The following JPH1 variants were observed in gnomAD, a reference collection of about 807,000 sequenced individuals.
JPH1 encodes the protein junctophilin-1.
A neutral mutation model predicts 53.6 loss-of-function variants in JPH1; 12 were observed. The ratio of observed to expected loss-of-function variants is 0.22; its 90% CI spans 0.14 to 0.36. The LOEUF (loss-of-function observed/expected upper bound fraction) is 0.36. Among genes scored for constraint, JPH1 ranks in the 10% least tolerant of loss-of-function variants. The probability of loss-of-function intolerance (pLI) is 1.00; values close to 1 mark genes in which losing one functional copy is unlikely to be tolerated. For synonymous variants in JPH1, 375 were observed against 363.8 expected (o/e 1.03, Z -0.35); for missense variants, 808 against 905.5 (o/e 0.89, Z 1.38).
intron 2 of JPH1, among the ~76,000 whole-genome samples, chr8:74,286,152 C>T (rs375228708): frequency 2.0e-5 from 3 of 152,224 alleles, no homozygotes; most frequent in Admixed American, 6.5e-5. Flanking sequence ...ATATCCTACT[C>T]GGTCACCATA....
At chr8:74,275,598 G>A (rs1033405951) in intron 2 of JPH1, among the ~76,000 whole-genome samples, 2 of 152,042 alleles carry the variant, frequency 1.3e-5, no homozygotes, top group East Asian at 1.9e-4. Context: ...GCATGACAAC[G>A]AAAAATGTGA....
chr8:74,319,306 G>A (rs1264142452), intron 1 of JPH1, among the ~76,000 whole-genome samples: 2 of 152,086 alleles, frequency 1.3e-5, no homozygotes, highest in African/African-American at 4.8e-5. Flanking sequence ...ATAAAATAAT[G>A]CACACATTTA....
rs185507527 is a variant in JPH1 at position 74,236,910 on chromosome 8, C to T, written c.*141G>A. The T allele has an allele frequency of 1.8e-3, 410 of 225,228 alleles. 6 individuals carry two copies. The highest frequency in any genetic ancestry group is 2.9e-3 in the Middle Eastern group (2 of 694). The allele number at this position is 225,228 out of a possible 1,614,324, so 14.0% of individuals were successfully genotyped here. On this transcript the variant is annotated 3_prime_UTR_variant, in exon 6 of 6. Coordinates refer to ENST00000342232, the MANE Select transcript of JPH1 (RefSeq NM_020647.4). Reference sequence around the variant, plus strand: ...AATTTTCCAAGTTTCATCTCTCTCGCGATCCCATCCTAATTCCAAGCCTCC... The same window carrying T: ...AATTTTCCAAGTTTCATCTCTCTCGTGATCCCATCCTAATTCCAAGCCTCC...
intron 4 of JPH1, among the ~76,000 whole-genome samples, chr8:74,243,307 CTTAAAG>C (rs1294399381): frequency 2.0e-5 from 3 of 152,146 alleles, no homozygotes; most frequent in Non-Finnish European, 2.9e-5. Context: ...GAGTCAGAAT[CTTAAAG>C]TTAGTCTGTT....
intron 2 of JPH1, among the ~76,000 whole-genome samples, chr8:74,279,775 GCCTCCAACAACAGC>G (rs1279086259): frequency 1.2e-4 from 18 of 152,144 alleles, no homozygotes; most frequent in Non-Finnish European, 2.2e-4. Context: ...GCTTTCCCCT[GCCTCCAACAACAGC>G]CCTTCAATAA....
At chr8:74,271,827 G>A (rs1271443156) in intron 2 of JPH1, among the ~76,000 whole-genome samples, 1 of 152,156 alleles carries the variant, frequency 6.6e-6, no homozygotes, top group Non-Finnish European at 1.5e-5. Flanking sequence ...GGCAAGGAGG[G>A]GCCTGTGGGG....
chr8:74,247,445 A>C (rs1267444604), intron 3 of JPH1, among the ~76,000 whole-genome samples: 1 of 152,246 alleles, frequency 6.6e-6, no homozygotes, highest in African/African-American at 2.4e-5. Flanking sequence ...TAAAATACAA[A>C]GTGCTTTTAA....
intron 2 of JPH1, among the ~76,000 whole-genome samples, chr8:74,265,827 CAA>C (rs890234460): frequency 7.9e-5 from 12 of 151,726 alleles, no homozygotes; most frequent in African/African-American, 2.9e-4. Context: ...AACATTTCTG[CAA>C]AGAGACACAA....
intron 1 of JPH1, among the ~76,000 whole-genome samples, chr8:74,318,645 T>C (rs1808228708): frequency 1.3e-5 from 2 of 152,142 alleles, no homozygotes; most frequent in African/African-American, 2.4e-5. Context: ...GCTTCCTTCC[T>C]CCTCCAGTTT....
chr8:74,256,532 TAAAAAA>T (rs56307957), intron 3 of JPH1, among the ~76,000 whole-genome samples: 3 of 135,896 alleles, frequency 2.2e-5, no homozygotes, highest in Admixed American at 2.2e-4. Context: ...CCCTAAAACT[TAAAAAA>T]AAAAAAAAGA....
chr8:74,301,110 T>G (rs16938859), intron 2 of JPH1, among the ~76,000 whole-genome samples: 4 of 151,728 alleles, frequency 2.6e-5, no homozygotes, highest in Non-Finnish European at 5.9e-5. Flanking sequence ...AACCCACTAC[T>G]TGCAGTCCAT....
rs377126988 is a variant in JPH1 at position 74,320,937 on chromosome 8, C to T, written c.351G>A (p.Gly117=). 182 of 1,594,664 alleles carry T rather than the reference C, an allele frequency of 1.1e-4. No homozygotes were observed. The Middle Eastern group carries it at 2.5e-3, about 22-fold the overall frequency. ...CGTCCCCGTAGGTCTCCACGCCGTA[C>T]CCGTCTTGCAGCCCGTTACTCCAGG... ...EGTWSNGLQD[G]YGVETYGDGG... The change falls in exon 1 of 6, where the codon GGG becomes GGA. Residue 117 remains glycine, a synonymous_variant. Transcript: ENST00000342232. The surrounding 1 kb of genome is among the most constrained non-coding windows in gnomAD (Gnocchi z 4.4).
intron 2 of JPH1, among the ~76,000 whole-genome samples, chr8:74,272,748 C>T (rs535002382): frequency 8.5e-5 from 13 of 152,096 alleles, no homozygotes; most frequent in South Asian, 2.1e-4. Flanking sequence ...GGACTACAGG[C>T]GCGCGCCACC....
intron 2 of JPH1, among the ~76,000 whole-genome samples, chr8:74,277,862 T>C (rs1806892587): frequency 6.6e-6 from 1 of 152,204 alleles, no homozygotes; most frequent in Non-Finnish European, 1.5e-5. Context: ...TATATTCACA[T>C]GGCTCAAAGA....
At chr8:74,241,411 T>G (rs1336844412) in intron 4 of JPH1, among the ~76,000 whole-genome samples, 1 of 152,208 alleles carries the variant, frequency 6.6e-6, no homozygotes, top group Non-Finnish European at 1.5e-5. Context: ...GTCTTGCTTT[T>G]CAAGACTGAC....
chr8:74,314,635 A>G (rs1449773396), intron 2 of JPH1, among the ~76,000 whole-genome samples: 1 of 152,216 alleles, frequency 6.6e-6, no homozygotes, highest in Non-Finnish European at 1.5e-5. Flanking sequence ...TAGAACAGGA[A>G]GGGGAGCTCA....
intron 2 of JPH1, among the ~76,000 whole-genome samples, chr8:74,286,495 T>C (rs1321292076): frequency 6.6e-6 from 1 of 152,214 alleles, no homozygotes; most frequent in Non-Finnish European, 1.5e-5. Flanking sequence ...GGCACCCTAC[T>C]GTACAACAAA....
intron 1 of JPH1, among the ~76,000 whole-genome samples, chr8:74,318,839 A>G (rs892848793): frequency 6.6e-6 from 1 of 152,216 alleles, no homozygotes; most frequent in Non-Finnish European, 1.5e-5. Flanking sequence ...TGTATGAAAT[A>G]AGTTACAGCA....
At chr8:74,312,558 T>C (rs1475707662) in intron 2 of JPH1, among the ~76,000 whole-genome samples, 1 of 152,160 alleles carries the variant, frequency 6.6e-6, no homozygotes, top group Non-Finnish European at 1.5e-5. Context: ...CCTTGACAAA[T>C]TCTTAAATGC....
Sources: allele counts gnomAD v4.1 joint callset (sites outside exome capture counted in the v4.1 genomes callset), GRCh38; gene constraint gnomAD v4.1.1; non-coding constraint Gnocchi (gnomAD v3.1); transcripts MANE v1.5; gene names NCBI Gene and HGNC (gene_info 2026-07-23, HGNC 2026-07-21).